PLCH1: variants seen among roughly 807,000 people sequenced by gnomAD.
PLCH1 encodes the protein 1-phosphatidylinositol 4,5-bisphosphate phosphodiesterase eta-1.
A neutral mutation model predicts 126.7 loss-of-function variants in PLCH1; 60 were observed. The observed-to-expected ratio is 0.47, with a 90% CI of 0.38 to 0.59. The LOEUF (loss-of-function observed/expected upper bound fraction) is 0.59, where lower values mean the gene tolerates loss of function less well. Ranked by LOEUF, PLCH1 falls within the 20% of genes least tolerant of loss-of-function variation. PLCH1 has a pLI of 0.00. For synonymous variants in PLCH1, 719 were observed against 734.9 expected (o/e 0.98, Z 0.35); for missense variants, 1,723 against 2,040.0 (o/e 0.84, Z 2.99).
intron 14 of PLCH1, among the ~76,000 whole-genome samples, chr3:155,500,474 G>A (rs1348763106): frequency 6.6e-6 from 1 of 152,142 alleles, no homozygotes; most frequent in Non-Finnish European, 1.5e-5. Context: ...CCTTTTACTT[G>A]ACAACTGCTG....
intron 1 of PLCH1, among the ~76,000 whole-genome samples, chr3:155,744,276 G>T (rs1309885346): frequency 6.6e-6 from 1 of 152,152 alleles, no homozygotes; most frequent in Non-Finnish European, 1.5e-5. Context: ...GCGCCGCTCG[G>T]GCGCTCTTGG....
chr3:155,679,800 T>C (rs1744369189), intron 2 of PLCH1, among the ~76,000 whole-genome samples: 1 of 152,156 alleles, frequency 6.6e-6, no homozygotes, highest in Non-Finnish European at 1.5e-5. Flanking sequence ...TGCAAGGAGA[T>C]ATATTAGTAT....
chr3:155,555,020 T>G (rs1726622846), intron 8 of PLCH1, among the ~76,000 whole-genome samples: 1 of 152,274 alleles, frequency 6.6e-6, no homozygotes. Context: ...CTTGTTTTTA[T>G]ATTTTGCCCC....
chr3:155,506,579 A>C (rs1718784551), intron 12 of PLCH1, among the ~76,000 whole-genome samples: 1 of 116,322 alleles, frequency 8.6e-6, no homozygotes, highest in Non-Finnish European at 1.7e-5. Context: ...TTCAATTCCC[A>C]CCTATGAGTG....
chr3:155,706,977 G>A (rs1043926321), intron 1 of PLCH1, among the ~76,000 whole-genome samples: 1 of 152,064 alleles, frequency 6.6e-6, no homozygotes, highest in African/African-American at 2.4e-5. Flanking sequence ...GAAATCTAAT[G>A]CCCCCCAATG....
intron 1 of PLCH1, among the ~76,000 whole-genome samples, chr3:155,725,160 G>C (rs1748228390): frequency 6.6e-6 from 1 of 151,988 alleles, no homozygotes; most frequent in African/African-American, 2.4e-5. Context: ...TAATCTGATA[G>C]GCTTTGACCC....
chr3:155,675,987 T>C, intron 2 of PLCH1: 1 of 1,456,444 alleles, frequency 6.9e-7, no homozygotes. Flanking sequence ...ATTAGTAGTA[T>C]GAGTCTTACC....
intron 1 of PLCH1, among the ~76,000 whole-genome samples, chr3:155,744,311 G>A (rs1283240688): frequency 6.6e-6 from 1 of 152,204 alleles, no homozygotes; most frequent in Non-Finnish European, 1.5e-5. Flanking sequence ...GGGCAATGGA[G>A]TATATCCTCC....
intron 10 of PLCH1, among the ~76,000 whole-genome samples, chr3:155,528,825 A>C (rs986255533): frequency 6.6e-6 from 1 of 152,224 alleles, no homozygotes; most frequent in Admixed American, 6.5e-5. Flanking sequence ...GCATGAGGTG[A>C]GGGAACAAAA....
intron 11 of PLCH1, among the ~76,000 whole-genome samples, chr3:155,518,097 C>A (rs1458012735): frequency 6.6e-6 from 1 of 152,144 alleles, no homozygotes; most frequent in Non-Finnish European, 1.5e-5. Flanking sequence ...TCACATCCCA[C>A]GTGGGGTGGA....
chr3:155,517,245 T>C (rs1391863778), intron 11 of PLCH1, among the ~76,000 whole-genome samples: 1 of 152,130 alleles, frequency 6.6e-6, no homozygotes, highest in East Asian at 1.9e-4. Flanking sequence ...AGTTTGAGGC[T>C]GCAGTGAGCT....
chr3:155,481,310 G>A lies in PLCH1; in HGVS notation c.4716C>T (p.Ser1572=), dbSNP rs746056109. Reference sequence around the variant, plus strand: ...TATTGCGCACTCTGCTCTGACTTCTGGATGACAACTTCCTGACCAGTGCCC... The same window carrying A: ...TATTGCGCACTCTGCTCTGACTTCTAGATGACAACTTCCTGACCAGTGCCC... ...LPRALVRKLS[S]RSQSRVRNIA... is the part of the protein sequence containing the mutation. Residue 1572 remains serine, a synonymous_variant, in exon 23 of 23, where the codon TCC becomes TCT. Transcript: ENST00000460012. This position sits in a 1 kb window ranked among gnomAD's most constrained non-coding sequence, Gnocchi z 4.2. 3 of 1,614,076 alleles carry A rather than the reference G, an allele frequency of 1.9e-6. No homozygotes were observed. The highest frequency in any genetic ancestry group is 2.5e-6 in the Non-Finnish European group (3 of 1,180,038).
intron 2 of PLCH1, among the ~76,000 whole-genome samples, chr3:155,677,385 T>C (rs766800576): frequency 6.6e-6 from 1 of 152,210 alleles, no homozygotes; most frequent in Admixed American, 6.5e-5. Context: ...TACTTTCAAA[T>C]ACTCTAGGGA....
At chr3:155,634,288 C>G (rs149420517) in intron 2 of PLCH1, among the ~76,000 whole-genome samples, 1 of 152,224 alleles carries the variant, frequency 6.6e-6, no homozygotes, top group South Asian at 2.1e-4. Context: ...TGCTCTGTTA[C>G]ACCTGTGCCC....
chr3:155,494,855 A>ATATATTTGC (rs1716798751), intron 15 of PLCH1, among the ~76,000 whole-genome samples: 1 of 152,160 alleles, frequency 6.6e-6, no homozygotes, highest in Non-Finnish European at 1.5e-5. Context: ...AATAACTTAA[A>ATATATTTGC]CAGAATATAT....
At chr3:155,740,587 A>G (rs1025818332) in intron 1 of PLCH1, among the ~76,000 whole-genome samples, 1 of 152,052 alleles carries the variant, frequency 6.6e-6, no homozygotes, top group Non-Finnish European at 1.5e-5. Flanking sequence ...GCAGTGGTTC[A>G]TAACTGTAAT....
rs376344163 is a variant in PLCH1 at position 155,707,475 on chromosome 3, G to A, written c.-40-3211C>T. Among the ~76,000 whole-genome samples, 10 of 152,236 alleles carry A rather than the reference G, an allele frequency of 6.6e-5. No homozygotes were observed. In the East Asian group the frequency reaches 1.2e-3, roughly 18 times the overall value. ...GGGCCAAAGTGGGTGGGTCACCTGA[G>A]GTCAAGAGTTCAAAACCAGCCTGGC... On this transcript the variant is annotated intron_variant, in intron 1 of 22. Coordinates refer to ENST00000460012, the MANE Select transcript of PLCH1 (RefSeq NM_014996.4).
At chr3:155,691,674 T>C (rs1445454763) in intron 2 of PLCH1, among the ~76,000 whole-genome samples, 2 of 152,174 alleles carry the variant, frequency 1.3e-5, no homozygotes, top group Admixed American at 1.3e-4. Context: ...AGTAGACAAA[T>C]AAACACAATT....
chr3:155,515,672 G>A (rs1002213411), intron 11 of PLCH1, among the ~76,000 whole-genome samples: 2 of 152,132 alleles, frequency 1.3e-5, no homozygotes, highest in Non-Finnish European at 2.9e-5. Flanking sequence ...ACAGCTTTTC[G>A]GCCATTTGTT....
Sources: gnomAD v4.1 joint callset for allele counts (sites outside exome capture counted in the v4.1 genomes callset) on GRCh38, gnomAD v4.1.1 for gene constraint, Gnocchi (gnomAD v3.1) non-coding constraint, MANE v1.5 for transcripts, NCBI Gene and HGNC (gene_info 2026-07-23, HGNC 2026-07-21) for gene names.